JAKMIP1: variants seen among roughly 807,000 people sequenced by gnomAD.
The protein encoded by JAKMIP1 is janus kinase and microtubule interacting protein 1.
Under a neutral mutation model 113.0 loss-of-function variants are expected in JAKMIP1, and 33 were observed. The observed-to-expected ratio is 0.29, with a 90% confidence interval of 0.22 to 0.39. The LOEUF is 0.39. JAKMIP1 is among the 10% of genes least tolerant of loss of function. The pLI is 1.00. For missense variants in JAKMIP1, 813 were observed against 1,080.5 expected (o/e 0.75, Z 3.47); for synonymous variants, 480 against 459.9 (o/e 1.04, Z -0.56).
rs1715384374 is a variant in JAKMIP1 at position 6,049,395 on chromosome 4, G to A, written c.1962+424C>T. On this transcript the variant is annotated intron_variant, in intron 15 of 20. Coordinates refer to ENST00000409021, the MANE Select transcript of JAKMIP1 (RefSeq NM_001099433.2). This position sits in a 1 kb window ranked among gnomAD's most constrained non-coding sequence, Gnocchi z 7.0. Reference sequence around the variant, plus strand: ...TGCACCCGAGGGTCAGCTCCCTCTCGCTAATGGGGCCAGCGCCTCAGGCAG... The same window carrying A: ...TGCACCCGAGGGTCAGCTCCCTCTCACTAATGGGGCCAGCGCCTCAGGCAG... Among the ~76,000 whole-genome samples, 2 of 152,274 alleles carry A rather than the reference G, an allele frequency of 1.3e-5. No homozygotes were observed. The highest frequency in any genetic ancestry group is 2.1e-4 in the South Asian group (1 of 4,828).
In JAKMIP1 at chr4:6,080,193, G is replaced by C; in HGVS notation, c.1221C>G (p.His407Gln). Reference sequence around the variant, plus strand: ...GTACCAGTGAGAGGTCGTCAATGACGTGCTGCTGCTCCAGCACCTGCAGCC... The same window carrying C: ...GTACCAGTGAGAGGTCGTCAATGACCTGCTGCTGCTCCAGCACCTGCAGCC... ...FLRLQVLEQQHVIDDLSLERE... is the reference protein window; with the variant it reads ...FLRLQVLEQQQVIDDLSLERE... The change falls in exon 7 of 21, where the codon CAC becomes CAG. Residue 407 changes from histidine (H) to glutamine (Q), a missense_variant. Around this residue, in one of 2 missense-constraint regions of JAKMIP1, gnomAD observed 540 missense variants for 653.9 expected, o/e 0.83. Transcript: ENST00000409021. This position sits in a 1 kb window ranked among gnomAD's most constrained non-coding sequence, Gnocchi z 6.0. 1 of 1,612,388 alleles carries C rather than the reference G, an allele frequency of 6.2e-7. No individual in the cohort carries two copies. The highest frequency in any genetic ancestry group is 8.5e-7 in the Non-Finnish European group (1 of 1,179,240).
intron 13 of JAKMIP1, chr4:6,053,674 G>A: frequency 1.8e-6 from 1 of 551,814 alleles, no homozygotes; most frequent in Non-Finnish European, 2.4e-6. Context: ...TTCCGTCTGG[G>A]TGTGCAGAAT....
In JAKMIP1 at chr4:6,157,259, T is replaced by C. The variant is rs1039685210; in HGVS notation, c.-148+42994A>G. On this transcript the variant is annotated intron_variant, in intron 1 of 20. Coordinates refer to ENST00000409021, the MANE Select transcript of JAKMIP1 (RefSeq NM_001099433.2). This position sits in a 1 kb window ranked among gnomAD's most constrained non-coding sequence, Gnocchi z 4.7. ...TTTATAAACTACCCAGGTGGTGATA[T>C]TGTGTTATAGCAACACAAAATGGAC... 1.3e-5 allele frequency among the ~76,000 whole-genome samples: 2 copies of C among 152,144 alleles called. No homozygotes were observed. Among genetic ancestry groups the C allele is most frequent in the African/African-American group, 4.8e-5 (2 of 41,422 alleles).
chr4:6,052,528 C>G (rs1229109971), intron 13 of JAKMIP1, among the ~76,000 whole-genome samples: 1 of 151,854 alleles, frequency 6.6e-6, no homozygotes, highest in East Asian at 1.9e-4. Flanking sequence ...TGCCTGTGAT[C>G]CCAGCTACTA....
At chr4:6,075,258 G>T (rs1719540250) in intron 8 of JAKMIP1, among the ~76,000 whole-genome samples, 1 of 152,146 alleles carries the variant, frequency 6.6e-6, no homozygotes. Context: ...TCAACCAGAG[G>T]TTGGTTGAAT....
intron 1 of JAKMIP1, among the ~76,000 whole-genome samples, chr4:6,161,807 T>C (rs1722998800): frequency 6.6e-6 from 1 of 152,016 alleles, no homozygotes; most frequent in Non-Finnish European, 1.5e-5. Context: ...TTAGATGAGG[T>C]AGAACCCAGG....
Position 6,153,403 on chromosome 4 carries a change from ACCCTGG to A in JAKMIP1, c.-147-40412_-147-40407del, listed in dbSNP as rs1721849990. ...CCCTTCTTCTCTCCACAGCCTTGTGACCCTGGCCCTCTCTAGGCTTCAATTTCATGT... is the reference window on the plus strand; with the variant it reads ...CCCTTCTTCTCTCCACAGCCTTGTGACCCTCTCTAGGCTTCAATTTCATGT... On this transcript the variant is annotated intron_variant, in intron 1 of 20. Transcript: ENST00000409021. The surrounding 1 kb of genome is among the most constrained non-coding windows in gnomAD (Gnocchi z 4.9). Among the ~76,000 whole-genome samples the A allele has an allele frequency of 6.6e-6, 1 of 152,194 alleles. No individual in the cohort carries two copies. Among genetic ancestry groups the A allele is most frequent in the African/African-American group, 2.4e-5 (1 of 41,452 alleles).
chr4:6,058,645 AC>A (rs1560121110), intron 11 of JAKMIP1, among the ~76,000 whole-genome samples: 2 of 152,120 alleles, frequency 1.3e-5, no homozygotes, highest in Non-Finnish European at 2.9e-5. Context: ...GCAGTAAGGA[AC>A]CAATGCATAA....
chr4:6,191,306 C>T (rs913236947), intron 1 of JAKMIP1, among the ~76,000 whole-genome samples: 15 of 152,204 alleles, frequency 9.9e-5, no homozygotes, highest in Admixed American at 9.2e-4. Flanking sequence ...ACAGCTCCCA[C>T]CGCCAGTGTG....
At chr4:6,131,787 G>C (rs1718549103) in intron 1 of JAKMIP1, among the ~76,000 whole-genome samples, 1 of 152,158 alleles carries the variant, frequency 6.6e-6, no homozygotes, top group Non-Finnish European at 1.5e-5. Context: ...GCAAGAAAGA[G>C]GAGAGGGAAA....
intron 8 of JAKMIP1, among the ~76,000 whole-genome samples, chr4:6,066,540 C>G (rs17766335): frequency 6.6e-6 from 1 of 151,868 alleles, no homozygotes; most frequent in East Asian, 1.9e-4. Context: ...GGAATCCTAG[C>G]GGGCAGTGAC....
chr4:6,109,322 A>G (rs1714508287), intron 2 of JAKMIP1, among the ~76,000 whole-genome samples: 2 of 151,378 alleles, frequency 1.3e-5, no homozygotes, highest in Admixed American at 6.6e-5. Context: ...TTTAGTAGAG[A>G]CAGAGTTTCA....
chr4:6,120,908 A>C (rs565090367), intron 1 of JAKMIP1, among the ~76,000 whole-genome samples: 1 of 152,304 alleles, frequency 6.6e-6, no homozygotes, highest in Admixed American at 6.5e-5. Flanking sequence ...CAAGCTCAAA[A>C]AATGGCAGCA....
At chr4:6,096,683 T>C (rs1711839269) in intron 3 of JAKMIP1, among the ~76,000 whole-genome samples, 1 of 152,012 alleles carries the variant, frequency 6.6e-6, no homozygotes, top group African/African-American at 2.4e-5. Flanking sequence ...AAAATGGGAG[T>C]ACGGGTTGAG....
At chr4:6,091,356 GT>G (rs1722036938) in intron 3 of JAKMIP1, among the ~76,000 whole-genome samples, 1 of 151,672 alleles carries the variant, frequency 6.6e-6, no homozygotes, top group Non-Finnish European at 1.5e-5. Flanking sequence ...AATACACAGA[GT>G]ATTTTTTCCC....
chr4:6,133,762 A>G (rs756584200), intron 1 of JAKMIP1, among the ~76,000 whole-genome samples: 6 of 152,224 alleles, frequency 3.9e-5, no homozygotes, highest in Non-Finnish European at 8.8e-5. Context: ...ACAGTTCCTG[A>G]CATTTCCCAG....
Position 6,197,416 on chromosome 4 carries a change from C to T in JAKMIP1, c.-148+2837G>A, listed in dbSNP as rs1181153974. On this transcript the variant is annotated intron_variant, in intron 1 of 20. Transcript: ENST00000409021. The surrounding 1 kb of genome is among the most constrained non-coding windows in gnomAD (Gnocchi z 6.5). ...CATAGCTTCTTCACCATCATCACCC[C>T]TCATAAATCGGCTACCTTTGCTCAG... Among the ~76,000 whole-genome samples, 1 of 152,210 alleles carries T rather than the reference C, an allele frequency of 6.6e-6. No individual in the cohort carries two copies. The highest frequency in any genetic ancestry group is 1.9e-4 in the East Asian group (1 of 5,200).
chr4:6,113,384 C>T (rs780526576), intron 1 of JAKMIP1, among the ~76,000 whole-genome samples: 5 of 152,186 alleles, frequency 3.3e-5, no homozygotes, highest in Non-Finnish European at 4.4e-5. Flanking sequence ...AAGCAGGGCC[C>T]TGGGCCTCAT....
chr4:6,182,222 C>T (rs1413965012), intron 1 of JAKMIP1, among the ~76,000 whole-genome samples: 1 of 151,520 alleles, frequency 6.6e-6, no homozygotes, highest in Non-Finnish European at 1.5e-5. Context: ...CCAGCTTGGG[C>T]AACATAATGA....
Sources: gnomAD v4.1 joint callset for allele counts (sites outside exome capture counted in the v4.1 genomes callset) on GRCh38, gnomAD v4.1.1 for gene constraint, gnomAD v4.1.1 regional missense constraint, Gnocchi (gnomAD v3.1) non-coding constraint, MANE v1.5 for transcripts, NCBI Gene and HGNC (gene_info 2026-07-23, HGNC 2026-07-21) for gene names.